PLEKHH1: variants seen among roughly 807,000 people sequenced by gnomAD.
PLEKHH1 encodes pleckstrin homology, MyTH4 and FERM domain containing H1.
In PLEKHH1, 104 loss-of-function variants were observed where a neutral mutation model predicts 160.0. That is an observed-to-expected ratio of 0.65 (90% CI 0.55 to 0.76). The LOEUF is 0.76. Among genes scored for constraint, PLEKHH1 ranks in the 30% least tolerant of loss-of-function variants. The pLI, the probability that PLEKHH1 is intolerant of heterozygous loss-of-function variation, is 0.00. For synonymous variants in PLEKHH1, 619 were observed against 678.4 expected (o/e 0.91, Z 1.36); for missense variants, 1,427 against 1,724.1 (o/e 0.83, Z 3.05).
In PLEKHH1 at chr14:67,589,308, G is replaced by T. The variant is rs1333348738; in HGVS notation, c.*2073G>T. The T allele has an allele frequency of 3.1e-6, 3 of 972,946 alleles. No individual in the cohort carries two copies. Among genetic ancestry groups the T allele is most frequent in the Non-Finnish European group, 3.7e-6 (3 of 818,764 alleles). 60.3% of individuals were successfully genotyped at this position (972,946 alleles called of 1,614,324 possible). A position where few individuals can be genotyped will look rare whatever the true frequency, so the allele number is the denominator to read the frequency against. On this transcript the variant is annotated 3_prime_UTR_variant, in exon 29 of 29. Transcript: ENST00000329153. ...CAGAAGAAACTAACTTAGAAACAAAGGATTCAATATTTGCTTATTTATTCT... is the reference window on the plus strand; with the variant it reads ...CAGAAGAAACTAACTTAGAAACAAATGATTCAATATTTGCTTATTTATTCT...
At chr14:67,535,224 C>T (rs2140302017) in intron 1 of PLEKHH1, among the ~76,000 whole-genome samples, 1 of 152,260 alleles carries the variant, frequency 6.6e-6, no homozygotes, top group Admixed American at 6.5e-5. Context: ...GTGGTTGCCG[C>T]TGGGGAGAAC....
chr14:67,579,117 C>T lies in PLEKHH1; in HGVS notation c.2850-17C>T. The T allele has an allele frequency of 7.5e-7, 1 of 1,341,708 alleles. No individual in the cohort carries two copies. Among genetic ancestry groups the T allele is most frequent in the Non-Finnish European group, 1.0e-6 (1 of 986,368 alleles). 83.1% of individuals were successfully genotyped at this position (1,341,708 alleles called of 1,614,324 possible). A position where few individuals can be genotyped will look rare whatever the true frequency, so the allele number is the denominator to read the frequency against. On this transcript the variant is annotated splice_polypyrimidine_tract_variant and intron_variant, in intron 20 of 28. Transcript: ENST00000329153. Reference sequence around the variant, plus strand: ...GATGAGCAGAGCCCATAATACTCCCCTCTTCCGTCTTTTTAGAAGTGAAAC... The same window carrying T: ...GATGAGCAGAGCCCATAATACTCCCTTCTTCCGTCTTTTTAGAAGTGAAAC...
Position 67,562,373 on chromosome 14 carries a change from G to A in PLEKHH1, c.742G>A (p.Glu248Lys). Residue 248 changes from glutamate to lysine, a missense_variant, in exon 7 of 29, where the codon GAA becomes AAA. Coordinates refer to ENST00000329153, the MANE Select transcript of PLEKHH1 (RefSeq NM_020715.3). ...DSSSSTVHSGETVEAKPLQPH... is the reference protein window; with the variant it reads ...DSSSSTVHSGKTVEAKPLQPH... Reference sequence around the variant, plus strand: ...TAGTTCCAGCACGGTCCATTCTGGGGAAACAGTAGAGGCCAAGCCCCTTCA... The same window carrying A: ...TAGTTCCAGCACGGTCCATTCTGGGAAAACAGTAGAGGCCAAGCCCCTTCA... 1 of 1,613,632 alleles carries A rather than the reference G, an allele frequency of 6.2e-7. No homozygotes were observed. Among genetic ancestry groups the A allele is most frequent in the Non-Finnish European group, 8.5e-7 (1 of 1,179,594 alleles).
chr14:67,542,054 C>A (rs2033988221), intron 2 of PLEKHH1, 61 bp downstream of exon 2: 2 of 1,447,050 alleles, frequency 1.4e-6, no homozygotes, highest in African/African-American at 2.9e-5. Context: ...CAGGGAGGGC[C>A]GTGTGAGAGA....
chr14:67,542,775 G>T (rs150447765), intron 2 of PLEKHH1, among the ~76,000 whole-genome samples: 5 of 151,954 alleles, frequency 3.3e-5, no homozygotes, highest in Non-Finnish European at 7.4e-5. Context: ...ATCGCAGCTC[G>T]CCACAATCTC....
At chr14:67,556,722 T>C (rs1046772180) in intron 3 of PLEKHH1, among the ~76,000 whole-genome samples, 1 of 152,204 alleles carries the variant, frequency 6.6e-6, no homozygotes, top group African/African-American at 2.4e-5. Context: ...ATCTTATCTG[T>C]TTTAAAAAAA....
Position 67,562,851 on chromosome 14 carries a change from G to A in PLEKHH1, c.1220G>A (p.Gly407Asp), listed in dbSNP as rs1439058979. 1.2e-6 allele frequency: 2 copies of A among 1,613,470 alleles called. No individual in the cohort carries two copies. Among genetic ancestry groups the A allele is most frequent in the South Asian group, 2.2e-5 (2 of 91,040 alleles). The change falls in exon 7 of 29, where the codon GGT becomes GAT. Residue 407 changes from glycine to aspartate, a missense_variant. This residue lies in a region of PLEKHH1 where 831 missense variants were observed against 929.2 expected (regional missense o/e 0.89). Transcript: ENST00000329153. ...GCTGAGCTGGAGGAAGTGGAGCTGGGTAACAAGCCACCTACACCCCCGCTG... is the reference window on the plus strand; with the variant it reads ...GCTGAGCTGGAGGAAGTGGAGCTGGATAACAAGCCACCTACACCCCCGCTG... Reference protein sequence around the residue: ...LGAELEEVELGNKPPTPPLHQ... With the variant: ...LGAELEEVELDNKPPTPPLHQ...
intron 1 of PLEKHH1, among the ~76,000 whole-genome samples, chr14:67,535,591 A>T (rs2033682291): frequency 6.6e-6 from 1 of 152,014 alleles, no homozygotes; most frequent in Non-Finnish European, 1.5e-5. Flanking sequence ...CATGTTGGCC[A>T]GTCTGGTTGA....
intron 2 of PLEKHH1, among the ~76,000 whole-genome samples, chr14:67,551,880 A>C (rs2034405652): frequency 6.6e-6 from 1 of 152,152 alleles, no homozygotes; most frequent in Non-Finnish European, 1.5e-5. Flanking sequence ...TGTCTAAAAA[A>C]AAAAAAGAAT....
At chr14:67,535,855 C>T (rs2033694974) in intron 1 of PLEKHH1, among the ~76,000 whole-genome samples, 1 of 152,110 alleles carries the variant, frequency 6.6e-6, no homozygotes, top group Non-Finnish European at 1.5e-5. Flanking sequence ...ATGAAATGGC[C>T]ATTTTGAAGG....
chr14:67,544,790 G>A (rs2140339368), intron 2 of PLEKHH1, among the ~76,000 whole-genome samples: 1 of 152,336 alleles, frequency 6.6e-6, no homozygotes, highest in South Asian at 2.1e-4. Flanking sequence ...AGACTTAATG[G>A]ACAGGAAGAC....
At chr14:67,586,702 A>T in intron 28 of PLEKHH1, 2 of 738,112 alleles carry the variant, frequency 2.7e-6, no homozygotes, top group Non-Finnish European at 3.8e-6. Flanking sequence ...TCTCCTTTTT[A>T]ATCCTAAAGT....
chr14:67,574,370 C>T lies in PLEKHH1; in HGVS notation c.2055C>T (p.Gly685=), dbSNP rs766925225. ...GGCCTCCAGCTCTGCTTCGGGGTGG[C>T]ACCAAGCCCACCGTGAAGGGCTGGC... ...ATGPPALLRG[G]TKPTVKGWLT... The change falls in exon 14 of 29, where the codon GGC becomes GGT. Residue 685 remains glycine (G), a synonymous_variant. Transcript: ENST00000329153. The surrounding 1 kb of genome is among the most constrained non-coding windows in gnomAD (Gnocchi z 4.2). The T allele has an allele frequency of 1.9e-6, 3 of 1,588,702 alleles. No individual in the cohort carries two copies. The highest frequency in any genetic ancestry group is 1.1e-5 in the South Asian group (1 of 87,066).
intron 26 of PLEKHH1, chr14:67,585,093 G>A (rs1054234059): frequency 1.3e-5 from 2 of 156,364 alleles, no homozygotes; most frequent in Non-Finnish European, 2.8e-5. Flanking sequence ...TAAAGCCACA[G>A]GACTGCATTC....
At chr14:67,553,131 A>C (rs1047548770) in intron 2 of PLEKHH1, among the ~76,000 whole-genome samples, 17 of 151,616 alleles carry the variant, frequency 1.1e-4, no homozygotes, top group African/African-American at 4.1e-4. Context: ...TTTTTCCATC[A>C]GATGAAGTCA....
intron 8 of PLEKHH1, among the ~76,000 whole-genome samples, chr14:67,569,516 C>A (rs187732402): frequency 6.6e-6 from 1 of 152,320 alleles, no homozygotes; most frequent in African/African-American, 2.4e-5. Flanking sequence ...GTGCCAGGGC[C>A]GTGGGTGGGA....
chr14:67,562,439 A>C lies in PLEKHH1; in HGVS notation c.808A>C (p.Met270Leu), dbSNP rs749548541. The C allele has an allele frequency of 6.2e-7, 1 of 1,613,690 alleles. No homozygotes were observed. ...AGAGAGCCCTCCCCACCAGCCATGC[A>C]TGAAGCTTCTTACCTTCAGATGTAG... is the stretch of plus-strand genomic sequence containing the variant. ...GRESPPHQPC[M>L]KLLTFRCSSA... is the part of the protein sequence containing the mutation. Residue 270 changes from methionine to leucine, a missense_variant, in exon 7 of 29, where the codon ATG becomes CTG. Physicochemically the swap from Met to Leu is conservative, Grantham distance 15. This residue lies in a region of PLEKHH1 where 831 missense variants were observed against 929.2 expected (regional missense o/e 0.89). Transcript: ENST00000329153.
At chr14:67,546,805 G>A (rs546173870) in intron 2 of PLEKHH1, among the ~76,000 whole-genome samples, 1 of 152,324 alleles carries the variant, frequency 6.6e-6, no homozygotes, top group African/African-American at 2.4e-5. Flanking sequence ...CTTTGAGGCT[G>A]CAGTGAGCTG....
chr14:67,573,344 G>T lies in PLEKHH1; in HGVS notation c.1797G>T (p.Trp599Cys). ...GSQVKTWKRR[W>C]FVLRQGQIMY... Reference sequence around the variant, plus strand: ...AGGTGAAGACGTGGAAGAGGCGCTGGTTTGTCCTGAGACAGGGACAGATTA... The same window carrying T: ...AGGTGAAGACGTGGAAGAGGCGCTGTTTTGTCCTGAGACAGGGACAGATTA... Residue 599 changes from tryptophan (W) to cysteine (C), a missense_variant, in exon 12 of 29, where the codon TGG becomes TGT. Trp to Cys is a radical substitution (Grantham distance 215). Coordinates refer to ENST00000329153, the MANE Select transcript of PLEKHH1 (RefSeq NM_020715.3). This position sits in a 1 kb window ranked among gnomAD's most constrained non-coding sequence, Gnocchi z 4.8. The T allele has an allele frequency of 6.2e-7, 1 of 1,613,762 alleles. No homozygotes were observed.
Sources: gnomAD v4.1 joint callset for allele counts (sites outside exome capture counted in the v4.1 genomes callset) on GRCh38, gnomAD v4.1.1 for gene constraint, gnomAD v4.1.1 regional missense constraint, Gnocchi (gnomAD v3.1) non-coding constraint, MANE v1.5 for transcripts, NCBI Gene and HGNC (gene_info 2026-07-23, HGNC 2026-07-21) for gene names.